CAMK2D: variants seen among roughly 807,000 people sequenced by gnomAD.
CAMK2D encodes calcium/calmodulin dependent protein kinase II delta.
A neutral mutation model predicts 84.0 loss-of-function variants in CAMK2D; 37 were observed. The observed-to-expected ratio is 0.44, with a 90% CI of 0.34 to 0.58. CAMK2D has a LOEUF of 0.58. Among genes scored for constraint, CAMK2D ranks in the 20% least tolerant of loss-of-function variants. CAMK2D has a pLI of 0.02. For missense variants in CAMK2D, 448 were observed against 652.5 expected (o/e 0.69, Z 3.41); for synonymous variants, 202 against 212.5 (o/e 0.95, Z 0.43).
At chr4:113,633,897 A>G (rs1002765005) in intron 3 of CAMK2D, among the ~76,000 whole-genome samples, 1 of 152,242 alleles carries the variant, frequency 6.6e-6, no homozygotes, top group Non-Finnish European at 1.5e-5. Context: ...AATCTTTAGT[A>G]GTTGTTATAA....
chr4:113,759,200 T>C, intron 2 of CAMK2D, 120 bp downstream of exon 2: 1 of 550,312 alleles, frequency 1.8e-6, no homozygotes, highest in Non-Finnish European at 3.2e-6. Context: ...TCTTAATATA[T>C]AATATGATAC....
rs2099578764 is a variant in CAMK2D, at chr4:113,735,334, G to A, written c.160+23986C>T. 2.0e-5 allele frequency among the ~76,000 whole-genome samples: 3 copies of A among 147,026 alleles called. No individual in the cohort carries two copies. In the Admixed American group the frequency reaches 2.1e-4, roughly 10 times the overall value. On this transcript the variant is annotated intron_variant, in intron 2 of 20. Transcript: ENST00000511664. ...AAAAAAAAAAAAAAAAATTAGCTGGGCATGGTGGTGTGCGCCTGTGGTCAC... is the reference window on the plus strand; with the variant it reads ...AAAAAAAAAAAAAAAAATTAGCTGGACATGGTGGTGTGCGCCTGTGGTCAC...
chr4:113,461,005 T>G (rs1313249724), intron 17 of CAMK2D, among the ~76,000 whole-genome samples: 1 of 152,198 alleles, frequency 6.6e-6, no homozygotes, highest in East Asian at 1.9e-4. Context: ...TAATTTTTGA[T>G]GGACCACATA....
intron 2 of CAMK2D, among the ~76,000 whole-genome samples, chr4:113,696,870 C>T (rs150022301): frequency 1.2e-3 from 176 of 151,870 alleles, no homozygotes; most frequent in African/African-American, 4.2e-3. Context: ...GTCATCTCTC[C>T]AGAGGTCATG....
At chr4:113,719,731 A>G (rs989688439) in intron 2 of CAMK2D, among the ~76,000 whole-genome samples, 1 of 152,188 alleles carries the variant, frequency 6.6e-6, no homozygotes, top group Admixed American at 6.5e-5. Context: ...TTTAACATCT[A>G]GTTCAAACCC....
intron 2 of CAMK2D, among the ~76,000 whole-genome samples, chr4:113,745,623 A>T (rs369811425): frequency 1.3e-5 from 2 of 152,342 alleles, no homozygotes; most frequent in South Asian, 2.1e-4. Context: ...TTCCTCATTA[A>T]TAGTAGATAT....
At chr4:113,472,211 G>A (rs537171473) in intron 16 of CAMK2D, among the ~76,000 whole-genome samples, 6 of 152,216 alleles carry the variant, frequency 3.9e-5, no homozygotes, top group South Asian at 2.1e-4. Flanking sequence ...CTGAGTCAAC[G>A]TCCATAAATG....
At chr4:113,552,200 A>T (rs962229143) in intron 4 of CAMK2D, 104 bp from the exon 5 acceptor site, 11 of 595,252 alleles carry the variant, frequency 1.8e-5, no homozygotes, top group Non-Finnish European at 3.0e-5. Flanking sequence ...TAGATGATTT[A>T]AAAAAAATCA....
At chr4:113,495,465 G>T (rs2158197) in intron 16 of CAMK2D, among the ~76,000 whole-genome samples, 81,504 of 151,644 alleles carry the variant, frequency 0.54, 22,275 homozygotes, top group African/African-American at 0.61. Context: ...AAGGTTTTCA[G>T]TGATCAAACA....
chr4:113,571,811 G>T (rs971908220), intron 4 of CAMK2D, among the ~76,000 whole-genome samples: 1 of 152,210 alleles, frequency 6.6e-6, no homozygotes, highest in Non-Finnish European at 1.5e-5. Flanking sequence ...CTATCTGGGA[G>T]TCTAGTTATC....
At chr4:113,457,023 G>A (rs1309549822) in intron 19 of CAMK2D, 1 of 276,838 alleles carries the variant, frequency 3.6e-6, no homozygotes, top group Admixed American at 5.1e-5. Flanking sequence ...CAATTGAGAA[G>A]ATGAAGTCAC....
intron 3 of CAMK2D, among the ~76,000 whole-genome samples, chr4:113,626,005 T>G (rs977650828): frequency 6.8e-6 from 1 of 147,866 alleles, no homozygotes; most frequent in African/African-American, 2.5e-5. Context: ...CAGAGTGAGA[T>G]ATCATCTCAA....
intron 4 of CAMK2D, among the ~76,000 whole-genome samples, chr4:113,590,796 CAGTT>C (rs965437103): frequency 3.9e-5 from 6 of 152,136 alleles, no homozygotes; most frequent in African/African-American, 1.2e-4. Flanking sequence ...TAACTCTACT[CAGTT>C]AGATCTTTGC....
chr4:113,468,566 C>T (rs1213189101), intron 16 of CAMK2D, among the ~76,000 whole-genome samples: 1 of 152,146 alleles, frequency 6.6e-6, no homozygotes, highest in Non-Finnish European at 1.5e-5. Context: ...GGAACTGTTG[C>T]CACAAGCCCA....
chr4:113,632,975 T>C (rs1302800681), intron 3 of CAMK2D, among the ~76,000 whole-genome samples: 1 of 152,242 alleles, frequency 6.6e-6, no homozygotes, highest in Non-Finnish European at 1.5e-5. Context: ...AGGTAATTTG[T>C]TTTCTTAACT....
Position 113,760,920 on chromosome 4 carries a change from A to T in CAMK2D, c.65+84T>A, listed in dbSNP as rs959292549. 501 of 1,569,220 alleles carry T rather than the reference A, an allele frequency of 3.2e-4. 1 individual carries two copies. Among genetic ancestry groups the T allele is most frequent in the Non-Finnish European group, 3.8e-4 (432 of 1,140,298 alleles). On this transcript the variant is annotated intron_variant, in intron 1 of 20. Coordinates refer to ENST00000511664, the MANE Select transcript of CAMK2D (RefSeq NM_001321571.2). ...TTCCTCTCCCAAACTCCCTCGCCCC[A>T]AGACGGAGGCCGGTGGGTCGGGGGC... is the stretch of plus-strand genomic sequence containing the variant.
At chr4:113,467,787 G>A (rs1465181778) in intron 16 of CAMK2D, among the ~76,000 whole-genome samples, 2 of 152,152 alleles carry the variant, frequency 1.3e-5, no homozygotes, top group African/African-American at 4.8e-5. Flanking sequence ...TGATTCATCT[G>A]TCTGTGCCCT....
At chr4:113,710,092 T>C (rs1048117175) in intron 2 of CAMK2D, among the ~76,000 whole-genome samples, 24 of 151,952 alleles carry the variant, frequency 1.6e-4, no homozygotes, top group Non-Finnish European at 2.9e-5. Context: ...CCGAGATTCT[T>C]ACATTTCAGG....
At chr4:113,741,891 T>C (rs2099593799) in intron 2 of CAMK2D, among the ~76,000 whole-genome samples, 1 of 152,202 alleles carries the variant, frequency 6.6e-6, no homozygotes, top group Non-Finnish European at 1.5e-5. Flanking sequence ...TGGCCTGGAA[T>C]GTTCTTTCTT....
Sources: allele counts gnomAD v4.1 joint callset (sites outside exome capture counted in the v4.1 genomes callset), GRCh38; gene constraint gnomAD v4.1.1; transcripts MANE v1.5; gene names NCBI Gene and HGNC (gene_info 2026-07-23, HGNC 2026-07-21).